The following ATP6V1C1 variants were observed in gnomAD, a reference collection of about 807,000 sequenced individuals.
The protein encoded by ATP6V1C1 is ATPase H+ transporting V1 subunit C1.
ATP6V1C1 carries 45 observed loss-of-function variants against 53.9 expected under a neutral mutation model. The ratio of observed to expected loss-of-function variants is 0.83; its 90% CI spans 0.66 to 1.07. The LOEUF (loss-of-function observed/expected upper bound fraction) is 1.07. Among genes scored for constraint, ATP6V1C1 ranks in the 50% least tolerant of loss-of-function variants. The probability of loss-of-function intolerance (pLI) is 0.00; values close to 1 mark genes in which losing one functional copy is unlikely to be tolerated. For synonymous variants in ATP6V1C1, 153 were observed against 155.2 expected (o/e 0.99, Z 0.11); for missense variants, 315 against 440.3 (o/e 0.72, Z 2.55).
chr8:103,033,736 A>G (rs1413770776), intron 1 of ATP6V1C1, among the ~76,000 whole-genome samples: 1 of 152,240 alleles, frequency 6.6e-6, no homozygotes, highest in East Asian at 1.9e-4. Flanking sequence ...AAGATGCTTT[A>G]TGTGCCCTGG....
At chr8:103,060,953 A>G (rs959757133) in intron 8 of ATP6V1C1, among the ~76,000 whole-genome samples, 2 of 152,204 alleles carry the variant, frequency 1.3e-5, no homozygotes, top group South Asian at 2.1e-4. Flanking sequence ...AAAGTGTTGG[A>G]TAAGTTTAAA....
intron 4 of ATP6V1C1, among the ~76,000 whole-genome samples, chr8:103,049,227 T>C (rs1019148492): frequency 9.2e-5 from 14 of 152,342 alleles, no homozygotes; most frequent in Admixed American, 6.5e-4. Context: ...TTGTAAAGGT[T>C]TGTCTTAGTT....
chr8:103,033,206 G>A (rs1391965980), intron 1 of ATP6V1C1, among the ~76,000 whole-genome samples: 3 of 152,208 alleles, frequency 2.0e-5, no homozygotes, highest in Non-Finnish European at 4.4e-5. Context: ...TGGACTGAGT[G>A]TGAGGGAAGG....
chr8:103,032,641 C>CT (rs1173627602), intron 1 of ATP6V1C1, among the ~76,000 whole-genome samples: 2 of 152,094 alleles, frequency 1.3e-5, no homozygotes, highest in Non-Finnish European at 2.9e-5. Flanking sequence ...CCGCACCTGG[C>CT]TAATTTTTGT....
In ATP6V1C1 at chr8:103,063,123, C is replaced by T; in HGVS notation, c.735-12C>T. ...AATGTGAACAATTTTGTTTTTTTTC[C>T]CCCAAATTTAGATTCATTGTTCGTG... On this transcript the variant is annotated splice_polypyrimidine_tract_variant and intron_variant, in intron 9 of 12. Transcript: ENST00000518738. 6.2e-7 allele frequency: 1 copy of T among 1,610,554 alleles called. No homozygotes were observed. The highest frequency in any genetic ancestry group is 1.1e-5 in the South Asian group (1 of 90,764).
intron 1 of ATP6V1C1, among the ~76,000 whole-genome samples, chr8:103,027,607 A>G (rs1002144270): frequency 6.6e-6 from 1 of 152,140 alleles, no homozygotes; most frequent in Admixed American, 6.5e-5. Flanking sequence ...AGATAAAGTA[A>G]ATAAAATTAA....
chr8:103,051,104 T>A lies in ATP6V1C1; in HGVS notation c.341T>A (p.Ile114Asn), dbSNP rs1426717022. 6.2e-7 allele frequency: 1 copy of A among 1,610,312 alleles called. No homozygotes were observed. The highest frequency in any genetic ancestry group is 8.5e-7 in the Non-Finnish European group (1 of 1,177,652). ...RFQWDMAKYP[I>N]KQSLKNISEI... The stretch of plus-strand genomic sequence containing the variant: ...CAGTGGGACATGGCCAAATATCCAA[T>A]CAAGCAGTCCCTGAAAAATATTTCT... The change falls in exon 5 of 13, where the codon ATC (isoleucine) becomes AAC (asparagine). Residue 114 changes from isoleucine to asparagine, a missense_variant. By Grantham distance (149) the Ile-to-Asn change is moderately radical. Transcript: ENST00000518738.
intron 3 of ATP6V1C1, among the ~76,000 whole-genome samples, chr8:103,046,620 T>C (rs1817100645): frequency 6.6e-6 from 1 of 152,230 alleles, no homozygotes; most frequent in South Asian, 2.1e-4. Flanking sequence ...GTTCTTTTCT[T>C]CATTGTTCGG....
intron 1 of ATP6V1C1, among the ~76,000 whole-genome samples, chr8:103,034,089 C>G (rs1214542378): frequency 6.6e-6 from 1 of 152,130 alleles, no homozygotes; most frequent in Non-Finnish European, 1.5e-5. Flanking sequence ...GGGCTGGAGA[C>G]ATACATTTCA....
intron 4 of ATP6V1C1, among the ~76,000 whole-genome samples, chr8:103,050,245 C>A (rs114217283): frequency 0.018 from 2,794 of 152,160 alleles, 93 homozygotes; most frequent in African/African-American, 0.064. Context: ...ATTTGTGTTG[C>A]CTTTACTGAT....
intron 3 of ATP6V1C1, among the ~76,000 whole-genome samples, chr8:103,043,007 G>A (rs1427860426): frequency 4.6e-5 from 7 of 152,076 alleles, no homozygotes; most frequent in African/African-American, 1.4e-4. Context: ...GTTGATGGGC[G>A]TTTATTTTGT....
intron 1 of ATP6V1C1, among the ~76,000 whole-genome samples, chr8:103,030,604 GA>G (rs1319046934): frequency 3.9e-5 from 6 of 152,158 alleles, no homozygotes; most frequent in Admixed American, 3.9e-4. Flanking sequence ...TTTTCCTGTA[GA>G]CACTCTCTGC....
At chr8:103,028,867 C>T (rs530274124) in intron 1 of ATP6V1C1, among the ~76,000 whole-genome samples, 1 of 152,292 alleles carries the variant, frequency 6.6e-6, no homozygotes, top group East Asian at 1.9e-4. Flanking sequence ...ACCAGCTTTG[C>T]CCTTCTCTTT....
intron 3 of ATP6V1C1, among the ~76,000 whole-genome samples, chr8:103,046,183 T>G (rs1817093790): frequency 6.6e-6 from 1 of 152,148 alleles, no homozygotes; most frequent in Admixed American, 6.5e-5. Context: ...CTGAATATAA[T>G]TTAAAGTTTG....
At chr8:103,064,510 A>AT (rs1817455787) in intron 10 of ATP6V1C1, 8 of 411,918 alleles carry the variant, frequency 1.9e-5, no homozygotes, top group Non-Finnish European at 3.5e-5. Flanking sequence ...GTCTGTTGAG[A>AT]TCTCTCTGTA....
chr8:103,028,840 A>G (rs1359523370), intron 1 of ATP6V1C1, among the ~76,000 whole-genome samples: 1 of 152,244 alleles, frequency 6.6e-6, no homozygotes, highest in East Asian at 1.9e-4. Flanking sequence ...TCACATCTTC[A>G]GAAGTAGCTA....
Position 103,033,664 on chromosome 8 carries a change from T to C in ATP6V1C1, c.-39-7134T>C, listed in dbSNP as rs1173508057. On this transcript the variant is annotated intron_variant, in intron 1 of 12. Coordinates refer to ENST00000518738, the MANE Select transcript of ATP6V1C1 (RefSeq NM_001695.5). ...TAATACATTCATCCTTAGCATATAA[T>C]ATATGCTGTCATATGATATATAATG... 3.9e-5 allele frequency among the ~76,000 whole-genome samples: 6 copies of C among 152,232 alleles called. No homozygotes were observed. The East Asian group carries it at 1.2e-3, about 29-fold the overall frequency.
chr8:103,062,954 G>A lies in ATP6V1C1; in HGVS notation c.642-1G>A. 1 of 1,607,690 alleles carries A rather than the reference G, an allele frequency of 6.2e-7. No homozygotes were observed. The highest frequency in any genetic ancestry group is 1.1e-5 in the South Asian group (1 of 89,962). On this transcript the variant is annotated splice_acceptor_variant, in intron 8 of 12. Transcript: ENST00000518738. LOFTEE classifies it high-confidence loss of function. The stretch of plus-strand genomic sequence containing the variant: ...TAAATGGACTTTTTTTTTTTCCATA[G>A]TGTTCTTTCAGAGGACCAAGACAGT...
At chr8:103,056,690 G>GTGT (rs1296707642) in intron 8 of ATP6V1C1, among the ~76,000 whole-genome samples, 19 of 152,108 alleles carry the variant, frequency 1.2e-4, no homozygotes, top group Admixed American at 1.2e-3. Flanking sequence ...TCATTTTTCT[G>GTGT]TGTTCTGCCA....
Sources: allele counts gnomAD v4.1 joint callset (sites outside exome capture counted in the v4.1 genomes callset), GRCh38; gene constraint gnomAD v4.1.1; transcripts MANE v1.5; gene names NCBI Gene and HGNC (gene_info 2026-07-23, HGNC 2026-07-21).